The following COL4A3 variants were observed in gnomAD, a reference collection of about 807,000 sequenced individuals.
COL4A3 encodes the protein collagen alpha-3(IV) chain.
Under a neutral mutation model 217.4 loss-of-function variants are expected in COL4A3, and 135 were observed. The observed-to-expected ratio is 0.62, with a 90% confidence interval of 0.54 to 0.72. The LOEUF (loss-of-function observed/expected upper bound fraction) is 0.72. Among genes scored for constraint, COL4A3 ranks in the 30% least tolerant of loss-of-function variants. The pLI is 0.00. For missense variants in COL4A3, 1,868 were observed against 2,119.9 expected (o/e 0.88, Z 2.33); for synonymous variants, 690 against 736.3 (o/e 0.94, Z 1.02).
rs773268719 is a variant in COL4A3 at position 227,309,050 on chromosome 2, C to CAGA, written c.4615_4617dup (p.Arg1539dup). ...CAATGAACATGGCTCCCATTACTGGCAGAGCCCTTGAGCCTTATATAAGCA... is the reference window on the plus strand; with the variant it reads ...CAATGAACATGGCTCCCATTACTGGCAGAAGAGCCCTTGAGCCTTATATAAGCA... On this transcript the variant is annotated inframe_insertion, in exon 49 of 52. Transcript: ENST00000396578. 8 of 1,614,098 alleles carry CAGA rather than the reference C, an allele frequency of 5.0e-6. No individual in the cohort carries two copies. The African/African-American group carries it at 1.1e-4, about 22-fold the overall frequency.
chr2:227,300,305 G>A (rs111304823), intron 43 of COL4A3, among the ~76,000 whole-genome samples: 4,765 of 152,196 alleles, frequency 0.031, 136 homozygotes, highest in Admixed American at 0.044. Context: ...ATCAACTAAA[G>A]CCCATGGGCC....
chr2:227,195,667 A>ATG (rs34242264), intron 1 of COL4A3, among the ~76,000 whole-genome samples: 18,215 of 139,618 alleles, frequency 0.13, 1,454 homozygotes, highest in Non-Finnish European at 0.18. Context: ...ATATATATAT[A>ATG]TGTGTGTGTG....
chr2:227,217,610 TTAAAA>T (rs1280831709), intron 1 of COL4A3, among the ~76,000 whole-genome samples: 2 of 152,200 alleles, frequency 1.3e-5, no homozygotes, highest in African/African-American at 2.4e-5. Flanking sequence ...GGTGGGTTTA[TTAAAA>T]TAAAATATCT....
chr2:227,254,118 A>G lies in COL4A3; in HGVS notation c.772A>G (p.Lys258Glu). 1 of 1,613,854 alleles carries G rather than the reference A, an allele frequency of 6.2e-7. No homozygotes were observed. The highest frequency in any genetic ancestry group is 1.7e-5 in the Admixed American group (1 of 60,008). ...TGAACTGTTTCTTTGGCAGGACCTC[A>G]AGGGGGAAAAGGGAGACAAGGGAGC... ...LTGPDNRTDLKGEKGDKGAMG... is the reference protein window; with the variant it reads ...LTGPDNRTDLEGEKGDKGAMG... Residue 258 changes from lysine (K) to glutamate (E), a missense_variant, in exon 14 of 52, where the codon AAG becomes GAG. By Grantham distance (56) the Lys-to-Glu change is moderately conservative (BLOSUM62 1). Coordinates refer to ENST00000396578, the MANE Select transcript of COL4A3 (RefSeq NM_000091.5).
rs35597982 is a variant in COL4A3 at position 227,301,022 on chromosome 2, T to C, written c.3883-2016T>C. The stretch of plus-strand genomic sequence containing the variant: ...ACACCTTGGGAGGAGTCTGGAGGGC[T>C]AAGCAGGAGTCAGGTAACGGAGGTC... On this transcript the variant is annotated intron_variant, in intron 43 of 51. Coordinates refer to ENST00000396578, the MANE Select transcript of COL4A3 (RefSeq NM_000091.5). 5.4e-3 allele frequency among the ~76,000 whole-genome samples: 820 copies of C among 152,212 alleles called. 5 individuals are homozygous for C. Among genetic ancestry groups the C allele is most frequent in the South Asian group, 8.9e-3 (43 of 4,816 alleles).
intron 24 of COL4A3, 48 bp from the exon 25 acceptor site, chr2:227,270,722 A>G: frequency 6.3e-7 from 1 of 1,582,716 alleles, no homozygotes; most frequent in South Asian, 1.1e-5. Context: ...TTGACAGAAG[A>G]AGAATTCTAA....
At chr2:227,217,638 AG>A (rs1466036185) in intron 1 of COL4A3, among the ~76,000 whole-genome samples, 1 of 152,198 alleles carries the variant, frequency 6.6e-6, no homozygotes, top group Non-Finnish European at 1.5e-5. Context: ...CCCTTTCTCC[AG>A]GGAAGCCGTA....
intron 1 of COL4A3, among the ~76,000 whole-genome samples, chr2:227,225,709 CTTTTTTT>C (rs71829862): frequency 2.4e-5 from 3 of 126,244 alleles, no homozygotes; most frequent in African/African-American, 6.0e-5. Flanking sequence ...CTTTTTCTTT[CTTTTTTT>C]TTTTTTTTTT....
At chr2:227,261,231 G>T (rs2070543305) in intron 20 of COL4A3, 114 bp downstream of exon 20, 4 of 976,466 alleles carry the variant, frequency 4.1e-6, no homozygotes, top group Non-Finnish European at 6.2e-6. Flanking sequence ...AACTGATCTA[G>T]AAGTGTTTCC....
intron 48 of COL4A3, among the ~76,000 whole-genome samples, 187 bp downstream of exon 48, chr2:227,308,106 A>G (rs1419400883): frequency 6.6e-6 from 1 of 152,246 alleles, no homozygotes; most frequent in African/African-American, 2.4e-5. Flanking sequence ...TGGTGGAAGG[A>G]GCCTAGCTCA....
Position 227,297,698 on chromosome 2 carries a change from C to G in COL4A3, c.3590C>G (p.Pro1197Arg). ...GGAGCCAAAGGAGACAGGGGAGCCC[C>G]AGGTTTTCCTGGCCTCCCGGGCAGA... ...AQGAKGDRGA[P>R]GFPGLPGRKG... The change falls in exon 42 of 52, where the codon CCA becomes CGA. Residue 1197 changes from proline (P) to arginine (R), a missense_variant. By Grantham distance (103) the Pro-to-Arg change is moderately radical (BLOSUM62 -2). Around this residue, in one of 2 missense-constraint regions of COL4A3, gnomAD observed 1,503 missense variants for 1,786.1 expected, o/e 0.84. Coordinates refer to ENST00000396578, the MANE Select transcript of COL4A3 (RefSeq NM_000091.5). 6.2e-7 allele frequency: 1 copy of G among 1,609,020 alleles called. No homozygotes were observed. Among genetic ancestry groups the G allele is most frequent in the Non-Finnish European group, 8.5e-7 (1 of 1,178,332 alleles).
chr2:227,256,843 T>C (rs2070211185), intron 17 of COL4A3, among the ~76,000 whole-genome samples: 1 of 152,232 alleles, frequency 6.6e-6, no homozygotes, highest in Non-Finnish European at 1.5e-5. Context: ...TGTGTAGTCA[T>C]GTGTTGCTTC....
intron 1 of COL4A3, chr2:227,221,307 T>C (rs537523623): frequency 1.3e-5 from 2 of 152,368 alleles, no homozygotes; most frequent in East Asian, 3.9e-4. Context: ...AATCCCATAA[T>C]CCTTCCATCT....
At chr2:227,223,251 A>G (rs2067909488) in intron 1 of COL4A3, among the ~76,000 whole-genome samples, 1 of 152,186 alleles carries the variant, frequency 6.6e-6, no homozygotes, top group Non-Finnish European at 1.5e-5. Context: ...ATGGTTACTA[A>G]AGACTTCAAA....
At chr2:227,283,194 T>G (rs567651741) in intron 32 of COL4A3, among the ~76,000 whole-genome samples, 3 of 152,334 alleles carry the variant, frequency 2.0e-5, no homozygotes, top group South Asian at 4.1e-4. Flanking sequence ...CATGGCTATG[T>G]TTATTGTTTA....
At chr2:227,247,424 G>A (rs2069415043) in intron 7 of COL4A3, 134 bp from the exon 8 acceptor site, 1 of 818,024 alleles carries the variant, frequency 1.2e-6, no homozygotes, top group South Asian at 1.4e-5. Context: ...ATTAAGGGAA[G>A]ACTTTGCTTT....
chr2:227,287,528 C>G (rs2072409538), intron 34 of COL4A3, among the ~76,000 whole-genome samples: 1 of 152,132 alleles, frequency 6.6e-6, no homozygotes, highest in South Asian at 2.1e-4. Flanking sequence ...TCCTAAAACA[C>G]TGAAGTAAAC....
intron 1 of COL4A3, among the ~76,000 whole-genome samples, chr2:227,232,742 CT>C (rs1354982036): frequency 6.6e-6 from 1 of 151,966 alleles, no homozygotes; most frequent in Non-Finnish European, 1.5e-5. Context: ...CCATTTCACT[CT>C]AATTCCTGAT....
At chr2:227,209,664 A>C (rs547932076) in intron 1 of COL4A3, among the ~76,000 whole-genome samples, 1 of 152,152 alleles carries the variant, frequency 6.6e-6, no homozygotes, top group Admixed American at 6.5e-5. Context: ...ATATGGTGAA[A>C]CCCCATCTCT....
Sources: allele counts gnomAD v4.1 joint callset (sites outside exome capture counted in the v4.1 genomes callset), GRCh38; gene constraint gnomAD v4.1.1; regional missense constraint gnomAD v4.1.1; transcripts MANE v1.5; gene names NCBI Gene and HGNC (gene_info 2026-07-23, HGNC 2026-07-21).